The following PCDH11Y variants were observed in gnomAD, a reference collection of about 807,000 sequenced individuals.
PCDH11Y encodes the protein protocadherin 11 Y-linked.
For missense variants in PCDH11Y, 12 were observed against 224.8 expected, an observed-to-expected ratio of 0.05 and a Z score of 6.05; for synonymous variants, 9 against 83.6, an observed-to-expected ratio of 0.11 and a Z score of 4.87.
intron 2 of PCDH11Y, among the ~76,000 whole-genome samples, chrY:5,432,400 C>T (rs2053269758): frequency 3.0e-5 from 1 of 33,106 alleles, no homozygotes; most frequent in Non-Finnish European, 7.4e-5. Flanking sequence ...TGGGATTTGC[C>T]ACATTCCTGA....
intron 2 of PCDH11Y, among the ~76,000 whole-genome samples, chrY:5,412,089 G>C: frequency 6.4e-5 from 2 of 31,038 alleles, no homozygotes; most frequent in Non-Finnish European, 1.6e-4. Context: ...CCATTTGTTT[G>C]TGTCATCTCT....
In PCDH11Y at chrY:5,122,661, C is replaced by A. The variant is rs2052820033; in HGVS notation, c.3129+21954C>A. On this transcript the variant is annotated intron_variant, in intron 2 of 4. Transcript: ENST00000400457. ...TAAGGCCATTCACAATTCTATCAAT[C>A]CAGCTGCTTCAGGATGATGGGGAAC... Among the ~76,000 whole-genome samples, 9 of 31,602 alleles carry A rather than the reference C, an allele frequency of 2.8e-4. No homozygotes were observed. In the East Asian group the frequency reaches 7.6e-3, roughly 27 times the overall value. 84.8% of individuals were successfully genotyped at this position (31,602 alleles called of 37,273 possible).
chrY:5,485,318 G>A, intron 2 of PCDH11Y, among the ~76,000 whole-genome samples: 1 of 33,048 alleles, frequency 3.0e-5, no homozygotes, highest in Non-Finnish European at 7.5e-5. Flanking sequence ...TTAGAAATGT[G>A]CCTACATATT....
intron 3 of PCDH11Y, among the ~76,000 whole-genome samples, chrY:5,561,284 C>T: frequency 4.1e-5 from 1 of 24,335 alleles, no homozygotes; most frequent in Admixed American, 4.0e-4. Flanking sequence ...CTTGCCTTGT[C>T]TCAGATGAGA....
chrY:5,417,961 C>T (rs2053254419), intron 2 of PCDH11Y, among the ~76,000 whole-genome samples: 1 of 33,617 alleles, frequency 3.0e-5, no homozygotes, highest in South Asian at 6.5e-4. Flanking sequence ...CAGACGTTTA[C>T]GAAGCGATAT....
At chrY:5,605,469 T>G in intron 4 of PCDH11Y, among the ~76,000 whole-genome samples, 2 of 33,364 alleles carry the variant, frequency 6.0e-5, no homozygotes, top group Non-Finnish European at 1.5e-4. Context: ...GAGACAATAT[T>G]TTTATATCAG....
chrY:5,357,934 AT>A (rs2053169741), intron 2 of PCDH11Y, among the ~76,000 whole-genome samples: 2 of 32,870 alleles, frequency 6.1e-5, no homozygotes, highest in South Asian at 1.4e-3. Flanking sequence ...TTTGCTGTTT[AT>A]TTTTTTTCTT....
At chrY:5,209,580 G>C (rs2124650854) in intron 2 of PCDH11Y, among the ~76,000 whole-genome samples, 1 of 32,814 alleles carries the variant, frequency 3.0e-5, no homozygotes, top group East Asian at 8.1e-4. Context: ...CATCACTAGG[G>C]CAACCTTGAT....
chrY:5,181,715 G>C, intron 2 of PCDH11Y, among the ~76,000 whole-genome samples: 1 of 31,816 alleles, frequency 3.1e-5, no homozygotes, highest in African/African-American at 1.2e-4. Context: ...CTATTCTGCT[G>C]TCAATACTTG....
At chrY:5,654,687 C>T (rs1602956652) in intron 4 of PCDH11Y, among the ~76,000 whole-genome samples, 1 of 32,013 alleles carries the variant, frequency 3.1e-5, no homozygotes, top group South Asian at 7.4e-4. Context: ...AATGAGAATA[C>T]ATAGACATAT....
chrY:5,230,820 G>A, intron 2 of PCDH11Y, among the ~76,000 whole-genome samples: 1 of 31,052 alleles, frequency 3.2e-5, no homozygotes, highest in African/African-American at 1.3e-4. Context: ...CTATAGGTGT[G>A]CTTCATTTTT....
Position 5,267,617 on chromosome Y carries a change from T to C in PCDH11Y, c.3129+166910T>C. 1.2e-4 allele frequency among the ~76,000 whole-genome samples: 4 copies of C among 32,420 alleles called. No homozygotes were observed. The East Asian group carries it at 3.2e-3, about 26-fold the overall frequency. The allele number at this position is 32,420 out of a possible 37,273, so 87.0% of individuals were successfully genotyped here. ...TATATTAGATATTTTTATGTTGTTATTGAAGGAAAAAAACCTAGCTTTCTA... is the reference window on the plus strand; with the variant it reads ...TATATTAGATATTTTTATGTTGTTACTGAAGGAAAAAAACCTAGCTTTCTA... On this transcript the variant is annotated intron_variant, in intron 2 of 4. Transcript: ENST00000400457.
At chrY:5,369,942 C>G in intron 2 of PCDH11Y, among the ~76,000 whole-genome samples, 11 of 33,017 alleles carry the variant, frequency 3.3e-4, no homozygotes, top group Non-Finnish European at 8.2e-4. Flanking sequence ...TCTATTAAAA[C>G]CATTACAAAA....
chrY:5,565,562 A>C (rs369141521), intron 3 of PCDH11Y, among the ~76,000 whole-genome samples: 122 of 31,914 alleles, frequency 3.8e-3, no homozygotes, highest in African/African-American at 0.014. Context: ...AATTATGTAG[A>C]TAGAGAGAGA....
chrY:5,522,629 A>G, intron 3 of PCDH11Y, among the ~76,000 whole-genome samples: 1 of 34,144 alleles, frequency 2.9e-5, no homozygotes, highest in Non-Finnish European at 7.3e-5. Context: ...CATACCACAC[A>G]ATATTTAAGC....
At chrY:5,241,116 C>T in intron 2 of PCDH11Y, among the ~76,000 whole-genome samples, 3 of 31,321 alleles carry the variant, frequency 9.6e-5, no homozygotes, top group Non-Finnish European at 1.5e-4. Flanking sequence ...CCTTAAACCT[C>T]ATGACCAACC....
At chrY:5,724,363 G>A (rs2124714419) in intron 4 of PCDH11Y, among the ~76,000 whole-genome samples, 1 of 33,633 alleles carries the variant, frequency 3.0e-5, no homozygotes, top group Admixed American at 2.7e-4. Context: ...GTAATAAATT[G>A]GTTAAAGAAG....
intron 1 of PCDH11Y, among the ~76,000 whole-genome samples, chrY:5,022,408 A>G: frequency 3.3e-5 from 1 of 30,368 alleles, no homozygotes; most frequent in Non-Finnish European, 7.8e-5. Flanking sequence ...GCTTGAGCCC[A>G]GGATTTCCAG....
chrY:5,632,958 A>G, intron 4 of PCDH11Y, among the ~76,000 whole-genome samples: 4 of 32,993 alleles, frequency 1.2e-4, no homozygotes, highest in Non-Finnish European at 2.2e-4. Flanking sequence ...TTCACCTATT[A>G]TAAGTGTACA....
Sources: gnomAD v4.1 joint callset for allele counts (sites outside exome capture counted in the v4.1 genomes callset) on GRCh38, gnomAD v4.1.1 for gene constraint, MANE v1.5 for transcripts, NCBI Gene and HGNC (gene_info 2026-07-23, HGNC 2026-07-21) for gene names.